DUS2: variants seen among roughly 807,000 people sequenced by gnomAD.
DUS2 encodes tRNA-dihydrouridine(20) synthase [NAD(P)+]-like.
DUS2 carries 52 observed loss-of-function variants against 71.3 expected under a neutral mutation model. The ratio of observed to expected loss-of-function variants is 0.73; its 90% CI spans 0.58 to 0.92. DUS2 has a LOEUF of 0.92. Ranked by LOEUF, DUS2 falls within the 40% of genes least tolerant of loss-of-function variation. DUS2 has a pLI of 0.00. For synonymous variants in DUS2, 204 were observed against 227.8 expected, an observed-to-expected ratio of 0.90 and a Z score of 0.94; for missense variants, 558 against 622.6, an observed-to-expected ratio of 0.90 and a Z score of 1.10.
chr16:68,032,340 T>A (rs796368018), intron 2 of DUS2, among the ~76,000 whole-genome samples: 1 of 152,228 alleles, frequency 6.6e-6, no homozygotes, highest in East Asian at 1.9e-4. Flanking sequence ...GTGCTAGAAA[T>A]CTGGCAGTGA....
chr16:68,056,228 C>T, intron 6 of DUS2, 136 bp from the exon 7 acceptor site: 1 of 642,698 alleles, frequency 1.6e-6, no homozygotes, highest in Non-Finnish European at 2.7e-6. Context: ...CAGCTTCTGT[C>T]ATTGGGGGTT....
Position 68,066,254 on chromosome 16 carries a change from G to A in DUS2, c.418-63G>A, listed in dbSNP as rs1214070546. On this transcript the variant is annotated intron_variant, in intron 8 of 16. Coordinates refer to ENST00000565263, the MANE Select transcript of DUS2 (RefSeq NM_017803.5). ...GCACAGCCTGTAGCGGAGTTAATTAGTACAGGCAGAGTGATGGTTTGTTCC... is the reference window on the plus strand; with the variant it reads ...GCACAGCCTGTAGCGGAGTTAATTAATACAGGCAGAGTGATGGTTTGTTCC... The A allele has an allele frequency of 5.4e-6, 8 of 1,476,668 alleles. No individual in the cohort carries two copies. In the East Asian group the frequency reaches 1.6e-4, roughly 29 times the overall value. 91.5% of individuals were successfully genotyped at this position (1,476,668 alleles called of 1,614,324 possible). A position where few individuals can be genotyped will look rare whatever the true frequency, so the allele number is the denominator to read the frequency against.
At position 68,023,360 on chromosome 16, in the gene DUS2, C is replaced by T; in HGVS notation, c.-99+9C>T. 2 of 904,114 alleles carry T rather than the reference C, an allele frequency of 2.2e-6. No individual in the cohort carries two copies. Among genetic ancestry groups the T allele is most frequent in the African/African-American group, 1.7e-5 (1 of 57,770 alleles). The allele number at this position is 904,114 out of a possible 1,614,324, so 56.0% of individuals were successfully genotyped here. A position where few individuals can be genotyped will look rare whatever the true frequency, so the allele number is the denominator to read the frequency against. On this transcript the variant is annotated intron_variant, in intron 1 of 16. Transcript: ENST00000565263. Reference sequence around the variant, plus strand: ...AAGAGTTCAGCTGCGAGGTCTGTAGCTCCGAATAGGGGATGGCGACATCCA... The same window carrying T: ...AAGAGTTCAGCTGCGAGGTCTGTAGTTCCGAATAGGGGATGGCGACATCCA...
chr16:68,042,289 A>G (rs889546803), intron 3 of DUS2, among the ~76,000 whole-genome samples: 17 of 152,128 alleles, frequency 1.1e-4, no homozygotes, highest in Admixed American at 7.2e-4. Flanking sequence ...GGTTGCTTCT[A>G]TCTCTTTCAA....
At chr16:68,056,975 T>C (rs1432917608) in intron 7 of DUS2, among the ~76,000 whole-genome samples, 3 of 141,426 alleles carry the variant, frequency 2.1e-5, no homozygotes, top group Non-Finnish European at 4.6e-5. Flanking sequence ...ATTACACATA[T>C]AAATATATAC....
chr16:68,034,432 G>A (rs1374637516), intron 2 of DUS2, among the ~76,000 whole-genome samples: 1 of 152,026 alleles, frequency 6.6e-6, no homozygotes, highest in Non-Finnish European at 1.5e-5. Flanking sequence ...TGGTCAGGCT[G>A]GTGTTGAACT....
Position 68,065,687 on chromosome 16 carries a change from C to T in DUS2, c.418-630C>T, listed in dbSNP as rs373460904. Among the ~76,000 whole-genome samples, 10 of 152,254 alleles carry T rather than the reference C, an allele frequency of 6.6e-5. No individual in the cohort carries two copies. The East Asian group carries it at 1.5e-3, about 24-fold the overall frequency. On this transcript the variant is annotated intron_variant, in intron 8 of 16. Transcript: ENST00000565263. ...GGAAACAGGGTCTTGCTGTGTTGCC[C>T]AGGCTGGTCTCAAACTCCTGGCTTC...
At chr16:68,047,027 G>A (rs2033712280) in intron 3 of DUS2, among the ~76,000 whole-genome samples, 1 of 150,586 alleles carries the variant, frequency 6.6e-6, no homozygotes, top group African/African-American at 2.4e-5. Context: ...TGGGATTACA[G>A]GCGTGAGCCA....
intron 6 of DUS2, among the ~76,000 whole-genome samples, chr16:68,056,072 T>C (rs2033847528): frequency 6.6e-6 from 1 of 152,118 alleles, no homozygotes; most frequent in Non-Finnish European, 1.5e-5. Flanking sequence ...AGTGTGCCCA[T>C]CTGAGTTATC....
At chr16:68,076,009 A>G (rs941717467) in intron 14 of DUS2, among the ~76,000 whole-genome samples, 34 of 152,310 alleles carry the variant, frequency 2.2e-4, no homozygotes, top group Non-Finnish European at 2.6e-4. Flanking sequence ...AGGACCAGAC[A>G]GGAGCCAGTC....
chr16:68,053,664 C>A lies in DUS2; in HGVS notation c.264+9C>A, dbSNP rs750683868. 6.8e-6 allele frequency: 11 copies of A among 1,614,132 alleles called. No individual in the cohort carries two copies. Among genetic ancestry groups the A allele is most frequent in the Non-Finnish European group, 9.3e-6 (11 of 1,179,946 alleles). On this transcript the variant is annotated intron_variant, in intron 5 of 16. Coordinates refer to ENST00000565263, the MANE Select transcript of DUS2 (RefSeq NM_017803.5). Reference sequence around the variant, plus strand: ...GGGTGGTCTTCCAGATGGTGAGAGACTCCATTGCTGCATGCCCTCCTGAGG... The same window carrying A: ...GGGTGGTCTTCCAGATGGTGAGAGAATCCATTGCTGCATGCCCTCCTGAGG...
At chr16:68,069,126 C>T (rs988938274) in intron 10 of DUS2, among the ~76,000 whole-genome samples, 9 of 152,046 alleles carry the variant, frequency 5.9e-5, no homozygotes, top group Non-Finnish European at 7.4e-5. Flanking sequence ...CGGTGGCTAA[C>T]GCCTAGAATC....
At chr16:68,044,497 G>A (rs1257643236) in intron 3 of DUS2, among the ~76,000 whole-genome samples, 1 of 150,914 alleles carries the variant, frequency 6.6e-6, no homozygotes, top group African/African-American at 2.4e-5. Context: ...CTGGGCTGAA[G>A]CCATCCTCCT....
At chr16:68,035,929 T>C (rs188995297) in intron 2 of DUS2, among the ~76,000 whole-genome samples, 2,556 of 108,194 alleles carry the variant, frequency 0.024, 76 homozygotes, top group Admixed American at 0.06. Context: ...TATATATATA[T>C]ACACACATAC....
intron 1 of DUS2, 184 bp downstream of exon 1, chr16:68,023,535 T>G: frequency 9.1e-6 from 3 of 330,062 alleles, no homozygotes; most frequent in Non-Finnish European, 1.8e-5. Flanking sequence ...TCTTTAGTTG[T>G]TCCTCATTGC....
intron 2 of DUS2, among the ~76,000 whole-genome samples, chr16:68,034,958 A>C (rs1268938997): frequency 6.6e-6 from 1 of 152,104 alleles, no homozygotes; most frequent in Non-Finnish European, 1.5e-5. Context: ...CCAAGATTGC[A>C]CCACTGCACC....
chr16:68,078,411 T>C lies in DUS2; in HGVS notation c.1171-34T>C, dbSNP rs774184263. 5.0e-5 allele frequency: 80 copies of C among 1,604,264 alleles called. 1 individual carries two copies. In the Admixed American group the frequency reaches 1.3e-3, roughly 27 times the overall value. Reference sequence around the variant, plus strand: ...CAGTTTGGCCTACAGGGCTCATTTCTCTGGCCATGTGATTCCTTTTCTCTT... The same window carrying C: ...CAGTTTGGCCTACAGGGCTCATTTCCCTGGCCATGTGATTCCTTTTCTCTT... On this transcript the variant is annotated intron_variant, in intron 15 of 16. Coordinates refer to ENST00000565263, the MANE Select transcript of DUS2 (RefSeq NM_017803.5).
chr16:68,039,397 G>A lies in DUS2; in HGVS notation c.126+1248G>A, dbSNP rs546139052. 5.0e-4 allele frequency among the ~76,000 whole-genome samples: 76 copies of A among 152,100 alleles called. No individual in the cohort carries two copies. In the South Asian group the frequency reaches 5.6e-3, roughly 11 times the overall value. ...GCCCAGGTATTCAAAACCAGCCTTG[G>A]CAACATAGCGAGACCCTGTTTCTAT... On this transcript the variant is annotated intron_variant, in intron 3 of 16. Coordinates refer to ENST00000565263, the MANE Select transcript of DUS2 (RefSeq NM_017803.5).
chr16:68,066,990 C>T lies in DUS2; in HGVS notation c.554+354C>T, dbSNP rs374534263. On this transcript the variant is annotated intron_variant, in intron 10 of 16. Coordinates refer to ENST00000565263, the MANE Select transcript of DUS2 (RefSeq NM_017803.5). ...CAGCCAGTACGTGGTGGAATTCTGA[C>T]CCTCATGAGAAAAATCTCATTTATT... Among the ~76,000 whole-genome samples, 11 of 151,324 alleles carry T rather than the reference C, an allele frequency of 7.3e-5. No homozygotes were observed. The East Asian group carries it at 1.6e-3, about 22-fold the overall frequency.
Sources: gnomAD v4.1 joint callset for allele counts (sites outside exome capture counted in the v4.1 genomes callset) on GRCh38, gnomAD v4.1.1 for gene constraint, MANE v1.5 for transcripts, NCBI Gene and HGNC (gene_info 2026-07-23, HGNC 2026-07-21) for gene names.